Variants in SHANK2 observed in about 807,000 individuals in gnomAD.
The protein encoded by SHANK2 is SH3 and multiple ankyrin repeat domains protein 2.
In SHANK2, 43 loss-of-function variants were observed where a neutral mutation model predicts 133.7. The ratio of observed to expected loss-of-function variants is 0.32; its 90% CI spans 0.25 to 0.41. The LOEUF (loss-of-function observed/expected upper bound fraction) is 0.41, where lower values mean the gene tolerates loss of function less well. SHANK2 is among the 10% of genes least tolerant of loss of function. The probability of loss-of-function intolerance (pLI) is 1.00; values close to 1 mark genes in which losing one functional copy is unlikely to be tolerated. For synonymous variants in SHANK2, 1,017 were observed against 952.8 expected, an observed-to-expected ratio of 1.07 and a Z score of -1.24; for missense variants, 1,994 against 2,235.8, an observed-to-expected ratio of 0.89 and a Z score of 2.18.
intron 2 of SHANK2, among the ~76,000 whole-genome samples, chr11:71,215,659 AGG>A (rs1954396872): frequency 6.6e-6 from 1 of 152,152 alleles, no homozygotes; most frequent in Non-Finnish European, 1.5e-5. Flanking sequence ...GCTCCCACTC[AGG>A]GCCCTGCTAA....
chr11:70,781,558 T>TTTTA (rs1555045156), intron 14 of SHANK2, among the ~76,000 whole-genome samples: 2 of 28,958 alleles, frequency 6.9e-5, no homozygotes, highest in African/African-American at 2.1e-4. Context: ...TACTTACTTA[T>TTTTA]TATATATATA....
In SHANK2 at chr11:71,086,182, TATATA is replaced by T. The variant is rs1190347008; in HGVS notation, c.912+6235_912+6239del. Reference sequence around the variant, plus strand: ...TATTAAATTATATAATATATTATGTTATATAATATATTAAATTATATAATATATTA... The same window carrying T: ...TATTAAATTATATAATATATTATGTTATATATTAAATTATATAATATATTA... On this transcript the variant is annotated intron_variant, in intron 8 of 25. Coordinates refer to ENST00000601538, the MANE Select transcript of SHANK2 (RefSeq NM_012309.5). 5.0e-4 allele frequency among the ~76,000 whole-genome samples: 5 copies of T among 10,080 alleles called. 1 individual carries two copies. In the East Asian group the frequency reaches 0.013, roughly 26 times the overall value. 6.6% of individuals were successfully genotyped at this position (10,080 alleles called of 152,430 possible). A position where few individuals can be genotyped will look rare whatever the true frequency, so the allele number is the denominator to read the frequency against.
Position 70,661,884 on chromosome 11 carries a change from C to T in SHANK2, c.1854-206G>A, listed in dbSNP as rs2134277153. On this transcript the variant is annotated intron_variant, in intron 15 of 25. Transcript: ENST00000601538. ...GCTACCGGGATAGGCGAGCGTGGCACAATGAGACTTGCAGGGTGGGGGCAG... is the reference window on the plus strand; with the variant it reads ...GCTACCGGGATAGGCGAGCGTGGCATAATGAGACTTGCAGGGTGGGGGCAG... 3.5e-6 allele frequency: 5 copies of T among 1,415,034 alleles called. No homozygotes were observed. In the East Asian group the frequency reaches 1.1e-4, roughly 32 times the overall value. The allele number at this position is 1,415,034 out of a possible 1,614,324, so 87.7% of individuals were successfully genotyped here.
chr11:70,636,389 ATGAG>A (rs1368601233), intron 17 of SHANK2, among the ~76,000 whole-genome samples: 3 of 118,746 alleles, frequency 2.5e-5, no homozygotes, highest in South Asian at 2.9e-4. Flanking sequence ...GTCTGTGTGT[ATGAG>A]TGTGTATGCG....
intron 14 of SHANK2, among the ~76,000 whole-genome samples, chr11:70,730,222 C>A (rs1318455928): frequency 2.0e-5 from 3 of 152,140 alleles, no homozygotes; most frequent in Non-Finnish European, 4.4e-5. Context: ...CTGTGGAGTT[C>A]CCCGAGCTCT....
At chr11:70,789,577 G>T (rs1591847471) in intron 14 of SHANK2, among the ~76,000 whole-genome samples, 1 of 152,204 alleles carries the variant, frequency 6.6e-6, no homozygotes, top group Non-Finnish European at 1.5e-5. Context: ...TTCCTCGGTG[G>T]TCTCTGCAGC....
At chr11:70,757,559 G>A (rs2134952446) in intron 14 of SHANK2, among the ~76,000 whole-genome samples, 1 of 152,378 alleles carries the variant, frequency 6.6e-6, no homozygotes, top group Admixed American at 6.5e-5. Flanking sequence ...GCACGTGCCA[G>A]GCTGAGGGTG....
In SHANK2 at chr11:70,929,000, A is replaced by G. The variant is rs186455465; in HGVS notation, c.1108-32433T>C. On this transcript the variant is annotated intron_variant, in intron 10 of 25. Transcript: ENST00000601538. ...GGAGTGCAGACCTGTGGAGGTGCACACGTGTCTTGTGGAGAGAGAAGCTGG... is the reference window on the plus strand; with the variant it reads ...GGAGTGCAGACCTGTGGAGGTGCACGCGTGTCTTGTGGAGAGAGAAGCTGG... 5.9e-5 allele frequency among the ~76,000 whole-genome samples: 9 copies of G among 152,296 alleles called. No individual in the cohort carries two copies. The East Asian group carries it at 1.5e-3, about 26-fold the overall frequency.
At chr11:70,687,623 G>A in intron 15 of SHANK2, among the ~76,000 whole-genome samples, 1 of 144,604 alleles carries the variant, frequency 6.9e-6, no homozygotes, top group Non-Finnish European at 1.5e-5. Flanking sequence ...CGGTGTGGAG[G>A]CAGAGGTCAG....
chr11:70,708,983 G>A (rs951043177), intron 14 of SHANK2, among the ~76,000 whole-genome samples: 2 of 152,204 alleles, frequency 1.3e-5, no homozygotes, highest in African/African-American at 4.8e-5. Flanking sequence ...GGCCAAGGTG[G>A]GTGGATGGCT....
At chr11:70,698,587 C>G (rs548583236) in intron 15 of SHANK2, 101 bp downstream of exon 15, 7 of 709,570 alleles carry the variant, frequency 9.9e-6, no homozygotes, top group Admixed American at 2.0e-5. Context: ...GAGGCAGACA[C>G]GAGGGGCCTG....
rs370444005 is a variant in SHANK2 at position 70,887,725 on chromosome 11, C to T, written c.1174+8776G>A. Among the ~76,000 whole-genome samples, 64 of 152,294 alleles carry T rather than the reference C, an allele frequency of 4.2e-4. 1 individual carries two copies. The East Asian group carries it at 6.0e-3, about 14-fold the overall frequency. Reference sequence around the variant, plus strand: ...AACATCCCATTGACCAGGCTGTACACGGCAAGTCAGAAAAATGTGTGGTAT... The same window carrying T: ...AACATCCCATTGACCAGGCTGTACATGGCAAGTCAGAAAAATGTGTGGTAT... On this transcript the variant is annotated intron_variant, in intron 11 of 25. Coordinates refer to ENST00000601538, the MANE Select transcript of SHANK2 (RefSeq NM_012309.5).
chr11:70,890,298 G>A (rs1479967724), intron 11 of SHANK2, among the ~76,000 whole-genome samples: 1 of 152,056 alleles, frequency 6.6e-6, no homozygotes, highest in Non-Finnish European at 1.5e-5. Flanking sequence ...GAGGTCAGGA[G>A]TTCAAGACCA....
chr11:70,872,429 G>C (rs1458133832), intron 11 of SHANK2: 1 of 152,892 alleles, frequency 6.5e-6, no homozygotes, highest in Non-Finnish European at 1.5e-5. Context: ...GAAGAGGAAA[G>C]ACAAGTAGGA....
chr11:70,591,219 G>A (rs1210320050), intron 17 of SHANK2, among the ~76,000 whole-genome samples: 1 of 152,174 alleles, frequency 6.6e-6, no homozygotes, highest in Non-Finnish European at 1.5e-5. Flanking sequence ...GGGTGCGGTG[G>A]TGAGTGCCTG....
chr11:71,206,817 T>C (rs1432524150), intron 2 of SHANK2, among the ~76,000 whole-genome samples: 1 of 152,162 alleles, frequency 6.6e-6, no homozygotes, highest in Non-Finnish European at 1.5e-5. Context: ...GGCACATACC[T>C]GTAGTCCCAG....
At chr11:71,135,228 C>T (rs1952413523) in intron 3 of SHANK2, among the ~76,000 whole-genome samples, 1 of 152,194 alleles carries the variant, frequency 6.6e-6, no homozygotes, top group Admixed American at 6.5e-5. Context: ...TAAATGAATT[C>T]ACTCACTCCA....
Position 70,549,569 on chromosome 11 carries a change from C to T in SHANK2, c.2062-46638G>A, listed in dbSNP as rs181070545. Among the ~76,000 whole-genome samples the T allele has an allele frequency of 5.9e-5, 9 of 152,234 alleles. No individual in the cohort carries two copies. The East Asian group carries it at 9.7e-4, about 16-fold the overall frequency. ...TCGAGGCAGTGTGGCCAGGGGCAGG[C>T]GGGGGCCGTGGCTCCCCTCTCAGAA... On this transcript the variant is annotated intron_variant, in intron 17 of 25. Transcript: ENST00000601538.
At chr11:70,558,142 G>A (rs1243937026) in intron 17 of SHANK2, among the ~76,000 whole-genome samples, 2 of 152,172 alleles carry the variant, frequency 1.3e-5, no homozygotes, top group African/African-American at 4.8e-5. Context: ...GGTCTTTCTG[G>A]GGATTCTCGG....
Sources: allele counts gnomAD v4.1 joint callset (sites outside exome capture counted in the v4.1 genomes callset), GRCh38; gene constraint gnomAD v4.1.1; transcripts MANE v1.5; gene names NCBI Gene and HGNC (gene_info 2026-07-23, HGNC 2026-07-21).